Variants in RGS7 observed in about 807,000 individuals in gnomAD.
RGS7 encodes the protein regulator of G-protein signaling 7.
Under a neutral mutation model 81.1 loss-of-function variants are expected in RGS7, and 27 were observed. That is an observed-to-expected ratio of 0.33 (90% CI 0.25 to 0.46). The LOEUF is 0.46. RGS7 is among the 20% of genes least tolerant of loss of function. RGS7 has a pLI of 1.00. For synonymous variants in RGS7, 208 were observed against 207.7 expected (o/e 1.00, Z -0.01); for missense variants, 396 against 607.4 (o/e 0.65, Z 3.66).
At chr1:241,258,140 A>G (rs2077136682) in intron 2 of RGS7, among the ~76,000 whole-genome samples, 1 of 151,890 alleles carries the variant, frequency 6.6e-6, no homozygotes, top group African/African-American at 2.4e-5. Context: ...TTCTTTTTTT[A>G]TTTCATCACA....
At chr1:241,154,099 C>G (rs73129654) in intron 2 of RGS7, among the ~76,000 whole-genome samples, 1 of 151,918 alleles carries the variant, frequency 6.6e-6, no homozygotes, top group South Asian at 2.1e-4. Flanking sequence ...GTTTTTGTGG[C>G]GAGATTCTAG....
At chr1:241,017,047 T>C (rs1282031952) in intron 3 of RGS7, among the ~76,000 whole-genome samples, 1 of 152,186 alleles carries the variant, frequency 6.6e-6, no homozygotes, top group Admixed American at 6.6e-5. Context: ...TTTTAAATGA[T>C]CTAAATCTAT....
chr1:240,821,671 A>T (rs562781908), intron 10 of RGS7, among the ~76,000 whole-genome samples: 1 of 152,348 alleles, frequency 6.6e-6, no homozygotes, highest in South Asian at 2.1e-4. Flanking sequence ...CCACTGGATT[A>T]TTAATAGCAG....
chr1:241,233,005 C>T (rs2075752151), intron 2 of RGS7, among the ~76,000 whole-genome samples: 1 of 152,116 alleles, frequency 6.6e-6, no homozygotes, highest in Non-Finnish European at 1.5e-5. Context: ...AATCTTTTTA[C>T]AGGAATCATA....
chr1:240,969,083 A>G (rs1229806931), intron 4 of RGS7, among the ~76,000 whole-genome samples: 1 of 152,182 alleles, frequency 6.6e-6, no homozygotes, highest in Non-Finnish European at 1.5e-5. Context: ...CTGAGTGGCT[A>G]CCCTGATGAA....
intron 6 of RGS7, among the ~76,000 whole-genome samples, chr1:240,889,777 C>A (rs1186340580): frequency 6.6e-6 from 1 of 152,076 alleles, no homozygotes; most frequent in African/African-American, 2.4e-5. Context: ...TCTGATATGA[C>A]GCATGGTGAT....
At chr1:241,066,453 C>G (rs564734876) in intron 3 of RGS7, among the ~76,000 whole-genome samples, 1 of 152,320 alleles carries the variant, frequency 6.6e-6, no homozygotes, top group East Asian at 1.9e-4. Flanking sequence ...AGTTGAAGAT[C>G]TCAATTTCTG....
chr1:240,796,147 T>C (rs1014609093), intron 18 of RGS7, among the ~76,000 whole-genome samples: 7 of 152,162 alleles, frequency 4.6e-5, no homozygotes, highest in Admixed American at 4.6e-4. Flanking sequence ...CAAACCTAAA[T>C]AGAAACACAT....
At chr1:241,036,519 G>T (rs575631857) in intron 3 of RGS7, among the ~76,000 whole-genome samples, 1 of 152,112 alleles carries the variant, frequency 6.6e-6, no homozygotes, top group Non-Finnish European at 1.5e-5. Context: ...ATAGAGCAGC[G>T]CCAAGATCTG....
chr1:241,284,188 T>C (rs999894853), intron 2 of RGS7, among the ~76,000 whole-genome samples: 8 of 152,250 alleles, frequency 5.3e-5, no homozygotes, highest in African/African-American at 9.6e-5. Context: ...TTGTCCTCCA[T>C]ATAAGTGATT....
chr1:240,883,537 T>C (rs1209703925), intron 6 of RGS7, among the ~76,000 whole-genome samples: 3 of 152,132 alleles, frequency 2.0e-5, no homozygotes, highest in African/African-American at 7.2e-5. Context: ...TGCCTGGAAA[T>C]TGCCTACTTA....
At chr1:241,204,339 T>C (rs1318624421) in intron 2 of RGS7, among the ~76,000 whole-genome samples, 1 of 152,194 alleles carries the variant, frequency 6.6e-6, no homozygotes, top group African/African-American at 2.4e-5. Flanking sequence ...TTCTAGAGAA[T>C]TATTTTATCC....
At chr1:241,041,652 T>C (rs1417691123) in intron 3 of RGS7, among the ~76,000 whole-genome samples, 1 of 152,104 alleles carries the variant, frequency 6.6e-6, no homozygotes, top group East Asian at 1.9e-4. Flanking sequence ...TCTGCAGAAA[T>C]GAAGCCATCA....
Position 241,059,676 on chromosome 1 carries a change from C to T in RGS7, c.175+38990G>A, listed in dbSNP as rs187567257. On this transcript the variant is annotated intron_variant, in intron 3 of 18. Transcript: ENST00000440928. ...TATGCCTTTGAAGCACCACTCAGCG[C>T]CTGGCTTCCTGATTCTGTGTCTCTC... is the stretch of plus-strand genomic sequence containing the variant. 3.3e-5 allele frequency among the ~76,000 whole-genome samples: 5 copies of T among 152,140 alleles called. No individual in the cohort carries two copies. In the East Asian group the frequency reaches 7.7e-4, roughly 24 times the overall value.
At chr1:241,022,619 T>C (rs1236653717) in intron 3 of RGS7, among the ~76,000 whole-genome samples, 1 of 152,166 alleles carries the variant, frequency 6.6e-6, no homozygotes, top group Non-Finnish European at 1.5e-5. Context: ...TGATCTCATC[T>C]TTGACCTGTC....
At chr1:240,808,064 A>G (rs922115151) in intron 14 of RGS7, among the ~76,000 whole-genome samples, 2 of 151,534 alleles carry the variant, frequency 1.3e-5, no homozygotes, top group Admixed American at 6.6e-5. Context: ...AGGGAATACT[A>G]CGCATAATCC....
intron 6 of RGS7, among the ~76,000 whole-genome samples, chr1:240,890,630 A>T (rs546063936): frequency 1.4e-4 from 22 of 152,170 alleles, no homozygotes; most frequent in African/African-American, 4.6e-4. Context: ...TTTCACTAGC[A>T]TTTGCCATGT....
At chr1:240,969,950 A>C (rs190361191) in intron 4 of RGS7, among the ~76,000 whole-genome samples, 4 of 152,326 alleles carry the variant, frequency 2.6e-5, no homozygotes, top group Non-Finnish European at 5.9e-5. Flanking sequence ...TCTGAGACTT[A>C]CATTTTTAAA....
At chr1:241,108,247 G>A (rs2065260542) in intron 2 of RGS7, among the ~76,000 whole-genome samples, 1 of 145,410 alleles carries the variant, frequency 6.9e-6, no homozygotes, top group Non-Finnish European at 1.5e-5. Context: ...AGGCTGCAGT[G>A]AGCCGAGAAC....
Sources: gnomAD v4.1 joint callset for allele counts (sites outside exome capture counted in the v4.1 genomes callset) on GRCh38, gnomAD v4.1.1 for gene constraint, MANE v1.5 for transcripts, NCBI Gene and HGNC (gene_info 2026-07-23, HGNC 2026-07-21) for gene names.